The following NHSL1 variants were observed in gnomAD, a reference collection of about 807,000 sequenced individuals.
NHSL1 encodes the protein NHS like 1.
In NHSL1, 48 loss-of-function variants were observed where a neutral mutation model predicts 95.0. The observed-to-expected ratio is 0.51, with a 90% CI of 0.40 to 0.64. NHSL1 has a LOEUF of 0.64. Ranked by LOEUF, NHSL1 falls within the 30% of genes least tolerant of loss-of-function variation. The probability of loss-of-function intolerance (pLI) is 0.00; values close to 1 mark genes in which losing one functional copy is unlikely to be tolerated. For synonymous variants in NHSL1, 783 were observed against 833.9 expected (o/e 0.94, Z 1.05); for missense variants, 1,971 against 2,077.7 (o/e 0.95, Z 1.00).
At chr6:138,549,326 T>A (rs964488606), upstream of NHSL1, among the ~76,000 whole-genome samples, 2 of 152,174 alleles carry the variant, frequency 1.3e-5, no homozygotes, top group Non-Finnish European at 2.9e-5. Flanking sequence ...GAGGTTGCAG[T>A]GAGCCAAGAT....
Position 138,692,351 on chromosome 6 carries a change from G to C in NHSL1, c.96+125C>G, listed in dbSNP as rs1441111527. 1.2e-5 allele frequency: 4 copies of C among 342,794 alleles called. No homozygotes were observed. In the East Asian group the frequency reaches 3.1e-4, roughly 26 times the overall value. The allele number at this position is 342,794 out of a possible 1,614,324, so 21.2% of individuals were successfully genotyped here. A position where few individuals can be genotyped will look rare whatever the true frequency, so the allele number is the denominator to read the frequency against. ...CGCTGGGGTCCGGCAGTCCCCACTG[G>C]AGACCCCGACATCGCGGGGCTCCGC... On this transcript the variant is annotated intron_variant, in intron 1 of 3. Coordinates refer to the NHSL1 transcript ENST00000491526. This position sits in a 1 kb window ranked among gnomAD's most constrained non-coding sequence, Gnocchi z 4.0.
At chr6:138,681,995 T>TG (rs1785518362) in intron 1 of NHSL1, among the ~76,000 whole-genome samples, 2 of 151,862 alleles carry the variant, frequency 1.3e-5, no homozygotes, top group South Asian at 4.2e-4. Context: ...TTTTTTTTTT[T>TG]TCTGAGACGG....
chr6:138,534,982 C>T (rs1782278761), intron 1 of NHSL1, among the ~76,000 whole-genome samples: 1 of 152,074 alleles, frequency 6.6e-6, no homozygotes, highest in Non-Finnish European at 1.5e-5. Flanking sequence ...TTATTTCAGG[C>T]CTGTGATTGA....
At chr6:138,582,255 A>C (rs1784070990) in intron 1 of NHSL1, among the ~76,000 whole-genome samples, 2 of 152,116 alleles carry the variant, frequency 1.3e-5, no homozygotes, top group Admixed American at 6.6e-5. Context: ...TAAATGGAAT[A>C]CTATAAATAA....
At chr6:138,554,525 C>G (rs1352641634) in intron 1 of NHSL1, among the ~76,000 whole-genome samples, 2 of 152,158 alleles carry the variant, frequency 1.3e-5, no homozygotes, top group Admixed American at 6.5e-5. Flanking sequence ...GAGAGCGTAA[C>G]TGGACTATAA....
rs532245137 is a variant in NHSL1 at position 138,676,600 on chromosome 6, G to A, written c.96+15876C>T. Among the ~76,000 whole-genome samples the A allele has an allele frequency of 1.4e-4, 21 of 152,212 alleles. No homozygotes were observed. The South Asian group carries it at 3.3e-3, about 24-fold the overall frequency. On this transcript the variant is annotated intron_variant, in intron 1 of 3. Coordinates refer to the NHSL1 transcript ENST00000491526. ...AGGGTAATATATTCAAGTTCACACCGCTAGTAAATTTTATCTCTTACATGC... is the reference window on the plus strand; with the variant it reads ...AGGGTAATATATTCAAGTTCACACCACTAGTAAATTTTATCTCTTACATGC...
At chr6:138,434,349 T>C (rs1339292856) in intron 5 of NHSL1, among the ~76,000 whole-genome samples, 1 of 151,890 alleles carries the variant, frequency 6.6e-6, no homozygotes, top group African/African-American at 2.4e-5. Context: ...CCAGTGAACA[T>C]TTCCTCAAAT....
upstream of NHSL1, among the ~76,000 whole-genome samples, chr6:138,502,009 C>T (rs932280627): frequency 3.3e-5 from 5 of 151,870 alleles, no homozygotes; most frequent in African/African-American, 1.2e-4. Context: ...TGCTTGAATC[C>T]ACGGAAGTGG....
chr6:138,599,199 A>G (rs1351493601), intron 1 of NHSL1, among the ~76,000 whole-genome samples: 1 of 152,252 alleles, frequency 6.6e-6, no homozygotes, highest in East Asian at 1.9e-4. Flanking sequence ...TTAGTGTTTT[A>G]TGGTAACCAG....
In NHSL1 at chr6:138,559,742, G is replaced by A. The variant is rs148090232; in HGVS notation, c.202+11968C>T. ...TCTACCGAAAGCACCATTTTTGAGG[G>A]TCATAAAATCAAGTAGTAAGTCAGG... On this transcript the variant is annotated intron_variant, in intron 1 of 6. Transcript: ENST00000427025. Among the ~76,000 whole-genome samples, 1,074 of 152,254 alleles carry A rather than the reference G, an allele frequency of 7.1e-3. 10 individuals carry two copies. The highest frequency in any genetic ancestry group is 0.025 in the African/African-American group (1,020 of 41,524).
At chr6:138,458,853 A>C (rs58399905) in intron 3 of NHSL1, among the ~76,000 whole-genome samples, 10,955 of 150,394 alleles carry the variant, frequency 0.073, 1,198 homozygotes, top group African/African-American at 0.24. Flanking sequence ...AAAAAAAAAA[A>C]CCCAGAAAAA....
chr6:138,651,697 A>G (rs1189309513), intron 1 of NHSL1, among the ~76,000 whole-genome samples: 1 of 152,240 alleles, frequency 6.6e-6, no homozygotes, highest in African/African-American at 2.4e-5. Flanking sequence ...CAGAAGCTAC[A>G]GGACAGAAAT....
At chr6:138,581,265 G>T (rs1006830059) in intron 1 of NHSL1, among the ~76,000 whole-genome samples, 1 of 152,062 alleles carries the variant, frequency 6.6e-6, no homozygotes, top group Non-Finnish European at 1.5e-5. Context: ...TTTTGCACTC[G>T]TACTTTTCAA....
intron 1 of NHSL1, among the ~76,000 whole-genome samples, chr6:138,680,362 C>G (rs1785497548): frequency 6.6e-6 from 1 of 152,132 alleles, no homozygotes; most frequent in African/African-American, 2.4e-5. Context: ...TAAAACCAAC[C>G]CAGTGAAATC....
rs1016833695 is a variant in NHSL1 at position 138,432,148 on chromosome 6, GCCAGGGCTCTTC to G, written c.2185_2196del (p.Glu729_Trp732del). On this transcript the variant is annotated inframe_deletion, in exon 6 of 8. Coordinates refer to ENST00000343505, the MANE Select transcript of NHSL1 (RefSeq NM_001144060.2). The surrounding 1 kb of genome is among the most constrained non-coding windows in gnomAD (Gnocchi z 4.4). ...GTGCTCTGGCTCCGGGAGCGGGGCA[GCCAGGGCTCTTC>G]CAAGTCACTGCAGGGGCTCTGGGAG... The G allele has an allele frequency of 6.5e-7, 1 of 1,548,632 alleles. No individual in the cohort carries two copies. Among genetic ancestry groups the G allele is most frequent in the African/African-American group, 1.4e-5 (1 of 73,018 alleles).
chr6:138,663,221 C>T (rs947255160), intron 1 of NHSL1, among the ~76,000 whole-genome samples: 1 of 151,992 alleles, frequency 6.6e-6, no homozygotes, highest in South Asian at 2.1e-4. Flanking sequence ...AAGCAAGTAA[C>T]AAAACAGCAT....
intron 1 of NHSL1, among the ~76,000 whole-genome samples, chr6:138,566,727 T>C (rs556363476): frequency 1.3e-4 from 19 of 150,944 alleles, no homozygotes; most frequent in African/African-American, 4.6e-4. Flanking sequence ...AATAAAGACA[T>C]ATTAAAATGA....
chr6:138,648,879 A>G (rs1233375305), intron 1 of NHSL1, among the ~76,000 whole-genome samples: 1 of 152,160 alleles, frequency 6.6e-6, no homozygotes, highest in Non-Finnish European at 1.5e-5. Context: ...ATAGATGAGT[A>G]GTAGATTGGG....
chr6:138,579,323 T>C (rs1223150770), intron 1 of NHSL1, among the ~76,000 whole-genome samples: 5 of 152,244 alleles, frequency 3.3e-5, no homozygotes, highest in African/African-American at 1.2e-4. Context: ...CATGTTACCT[T>C]TTTATTTTGA....
Sources: gnomAD v4.1 joint callset for allele counts (sites outside exome capture counted in the v4.1 genomes callset) on GRCh38, gnomAD v4.1.1 for gene constraint, Gnocchi (gnomAD v3.1) non-coding constraint, MANE v1.5 for transcripts, NCBI Gene and HGNC (gene_info 2026-07-23, HGNC 2026-07-21) for gene names.